Variants in TRAPPC9 observed in about 807,000 individuals in gnomAD.
The protein encoded by TRAPPC9 is IKK2 binding protein.
A neutral mutation model predicts 124.0 loss-of-function variants in TRAPPC9; 83 were observed. The ratio of observed to expected loss-of-function variants is 0.67; its 90% CI spans 0.56 to 0.80. TRAPPC9 has a LOEUF of 0.80. Among genes scored for constraint, TRAPPC9 ranks in the 30% least tolerant of loss-of-function variants. The probability of loss-of-function intolerance (pLI) is 0.00; values close to 1 mark genes in which losing one functional copy is unlikely to be tolerated. For synonymous variants in TRAPPC9, 638 were observed against 617.5 expected, an observed-to-expected ratio of 1.03 and a Z score of -0.49; for missense variants, 1,302 against 1,508.3, an observed-to-expected ratio of 0.86 and a Z score of 2.27.
chr8:139,763,862 G>A (rs935615372), intron 21 of TRAPPC9, among the ~76,000 whole-genome samples: 1 of 152,236 alleles, frequency 6.6e-6, no homozygotes, highest in African/African-American at 2.4e-5. Flanking sequence ...AGTGTGGAAG[G>A]GGTCAGGTGT....
At chr8:140,391,478 C>T (rs906368095) in intron 7 of TRAPPC9, among the ~76,000 whole-genome samples, 1 of 152,078 alleles carries the variant, frequency 6.6e-6, no homozygotes, top group Non-Finnish European at 1.5e-5. Flanking sequence ...TTTGGAAGGC[C>T]AAGGCAGGTG....
chr8:140,240,018 C>T lies in TRAPPC9; in HGVS notation c.2431+12759G>A, dbSNP rs923980358. Among the ~76,000 whole-genome samples, 3 of 152,238 alleles carry T rather than the reference C, an allele frequency of 2.0e-5. No individual in the cohort carries two copies. In the East Asian group the frequency reaches 5.8e-4, roughly 29 times the overall value. Reference sequence around the variant, plus strand: ...GCAAGTTATGAAAGTGAATATAATGCGTTCAAGAGCGATGGCTCTCGAATA... The same window carrying T: ...GCAAGTTATGAAAGTGAATATAATGTGTTCAAGAGCGATGGCTCTCGAATA... On this transcript the variant is annotated intron_variant, in intron 16 of 22. Transcript: ENST00000438773.
intron 17 of TRAPPC9, among the ~76,000 whole-genome samples, chr8:140,190,111 C>T (rs2062453169): frequency 6.6e-6 from 1 of 152,172 alleles, no homozygotes; most frequent in Admixed American, 6.5e-5. Context: ...GGTCGGAAAC[C>T]AGAAGTGAAC....
chr8:139,974,061 C>T (rs1344302596), intron 19 of TRAPPC9, among the ~76,000 whole-genome samples: 1 of 152,196 alleles, frequency 6.6e-6, no homozygotes, highest in African/African-American at 2.4e-5. Context: ...CTCCAGGCCA[C>T]ACTGGGTACT....
At chr8:140,133,866 A>G (rs183952897) in intron 17 of TRAPPC9, among the ~76,000 whole-genome samples, 41 of 152,256 alleles carry the variant, frequency 2.7e-4, no homozygotes, top group Non-Finnish European at 2.5e-4. Flanking sequence ...CTTGTACACT[A>G]CAAATTACAA....
chr8:140,453,107 A>G (rs2071527851), intron 1 of TRAPPC9, among the ~76,000 whole-genome samples: 2 of 152,138 alleles, frequency 1.3e-5, no homozygotes, highest in South Asian at 4.1e-4. Context: ...TAATTTTTTT[A>G]AAGGTTAGGG....
intron 21 of TRAPPC9, among the ~76,000 whole-genome samples, chr8:139,875,635 C>A (rs2131062824): frequency 6.6e-6 from 1 of 152,330 alleles, no homozygotes; most frequent in Admixed American, 6.5e-5. Context: ...TTGCCACAAG[C>A]CGTCATGGTC....
chr8:140,361,609 C>T (rs757045511), intron 8 of TRAPPC9, among the ~76,000 whole-genome samples: 4 of 152,190 alleles, frequency 2.6e-5, no homozygotes, highest in Non-Finnish European at 2.9e-5. Context: ...GTGGTTAACA[C>T]ACAGGTCAAC....
chr8:140,247,614 T>G (rs752430409), intron 16 of TRAPPC9, among the ~76,000 whole-genome samples: 3 of 152,168 alleles, frequency 2.0e-5, no homozygotes, highest in Non-Finnish European at 4.4e-5. Context: ...TTTAACATGT[T>G]GTGGTTCCAT....
intron 17 of TRAPPC9, among the ~76,000 whole-genome samples, chr8:140,124,299 C>A (rs75268658): frequency 1.2e-4 from 19 of 152,176 alleles, no homozygotes; most frequent in African/African-American, 4.6e-4. Flanking sequence ...AGGCTGCCTG[C>A]TCTCCCTGGC....
intron 16 of TRAPPC9, among the ~76,000 whole-genome samples, chr8:140,242,907 G>T (rs1359373304): frequency 6.6e-6 from 1 of 152,216 alleles, no homozygotes. Context: ...GAGGTTAAAA[G>T]CCTGATTTCA....
intron 5 of TRAPPC9, among the ~76,000 whole-genome samples, chr8:140,415,073 T>C (rs955668170): frequency 6.6e-6 from 1 of 152,046 alleles, no homozygotes; most frequent in African/African-American, 2.4e-5. Flanking sequence ...TAGCTGGGTA[T>C]GATGTCATGT....
chr8:140,239,864 A>G (rs1196116518), intron 16 of TRAPPC9, among the ~76,000 whole-genome samples: 2 of 152,254 alleles, frequency 1.3e-5, no homozygotes, highest in African/African-American at 4.8e-5. Context: ...ATTCAGGATG[A>G]GTCACTGTTC....
chr8:139,757,817 A>C (rs542180748), intron 21 of TRAPPC9, among the ~76,000 whole-genome samples: 14 of 152,248 alleles, frequency 9.2e-5, no homozygotes, highest in Admixed American at 3.3e-4. Context: ...GTAGGCAAGC[A>C]GTCGGCACTG....
At chr8:139,977,970 C>T (rs1000530007) in intron 19 of TRAPPC9, among the ~76,000 whole-genome samples, 11 of 151,778 alleles carry the variant, frequency 7.2e-5, no homozygotes, top group African/African-American at 1.5e-4. Context: ...TGTGAGCCAC[C>T]GCACCCAGCC....
At chr8:139,841,695 C>T (rs1826741052) in intron 21 of TRAPPC9, among the ~76,000 whole-genome samples, 1 of 152,204 alleles carries the variant, frequency 6.6e-6, no homozygotes, top group Non-Finnish European at 1.5e-5. Context: ...TCGCAGAACC[C>T]ACAGTGCTCA....
At chr8:140,393,076 TA>T (rs2068977820) in intron 7 of TRAPPC9, among the ~76,000 whole-genome samples, 1 of 148,064 alleles carries the variant, frequency 6.8e-6, no homozygotes, top group Non-Finnish European at 1.5e-5. Flanking sequence ...TATTTTATTT[TA>T]TTTTATTTTT....
intron 17 of TRAPPC9, among the ~76,000 whole-genome samples, chr8:140,197,828 T>G (rs1236721958): frequency 6.6e-6 from 1 of 152,106 alleles, no homozygotes; most frequent in Non-Finnish European, 1.5e-5. Context: ...GGGAAGGTGG[T>G]CTTTGGGGCT....
chr8:140,062,700 T>C (rs534283381), intron 17 of TRAPPC9, among the ~76,000 whole-genome samples: 2 of 152,288 alleles, frequency 1.3e-5, no homozygotes, highest in South Asian at 4.2e-4. Context: ...TGAGCTCCTA[T>C]GGGGAGCACA....
Sources: allele counts gnomAD v4.1 joint callset (sites outside exome capture counted in the v4.1 genomes callset), GRCh38; gene constraint gnomAD v4.1.1; transcripts MANE v1.5; gene names NCBI Gene and HGNC (gene_info 2026-07-23, HGNC 2026-07-21).